The following PFKFB3 variants were observed in gnomAD, a reference collection of about 807,000 sequenced individuals.
The protein encoded by PFKFB3 is 6-phosphofructo-2-kinase/fructose-2,6-bisphosphatase 3.
Under a neutral mutation model 68.0 loss-of-function variants are expected in PFKFB3, and 33 were observed. That is an observed-to-expected ratio of 0.49 (90% CI 0.37 to 0.65). The LOEUF (loss-of-function observed/expected upper bound fraction) is 0.65. Among genes scored for constraint, PFKFB3 ranks in the 30% least tolerant of loss-of-function variants. PFKFB3 has a pLI of 0.00. For synonymous variants in PFKFB3, 315 were observed against 288.2 expected (o/e 1.09, Z -0.94); for missense variants, 586 against 712.2 (o/e 0.82, Z 2.02).
At chr10:6,186,666 T>C (rs1842875525) in intron 1 of PFKFB3, among the ~76,000 whole-genome samples, 1 of 152,164 alleles carries the variant, frequency 6.6e-6, no homozygotes, top group Non-Finnish European at 1.5e-5. Context: ...TCTTAAACAA[T>C]TTCTCATTTT....
At chr10:6,239,366 G>T (rs776005544), downstream of PFKFB3, among the ~76,000 whole-genome samples, 14 of 152,168 alleles carry the variant, frequency 9.2e-5, no homozygotes, top group Non-Finnish European at 1.9e-4. Flanking sequence ...TGTTAGACTC[G>T]CAGATGAGTC....
At chr10:6,253,910 A>G (rs1846438036) in intron 14 of PFKFB3, among the ~76,000 whole-genome samples, 1 of 151,980 alleles carries the variant, frequency 6.6e-6, no homozygotes, top group African/African-American at 2.4e-5. Context: ...CAGGCATGGT[A>G]GTGCACACCT....
the PFKFB3 span, among the ~76,000 whole-genome samples, chr10:6,298,954 A>G: frequency 6.6e-6 from 1 of 152,152 alleles, no homozygotes; most frequent in African/African-American, 2.4e-5. Context: ...CGTCTGGTTC[A>G]TCTCTGTTGG....
chr10:6,289,791 G>A, the PFKFB3 span, among the ~76,000 whole-genome samples: 1 of 151,562 alleles, frequency 6.6e-6, no homozygotes, highest in Non-Finnish European at 1.5e-5. Context: ...AAATTACCTT[G>A]GGCAGTATGG....
chr10:6,257,468 T>C (rs1356924285), downstream of PFKFB3, among the ~76,000 whole-genome samples: 1 of 152,142 alleles, frequency 6.6e-6, no homozygotes, highest in African/African-American at 2.4e-5. Context: ...ATCATGACGA[T>C]GGGAGGTCAG....
intron 14 of PFKFB3, among the ~76,000 whole-genome samples, chr10:6,253,391 A>C (rs1475178527): frequency 6.6e-6 from 1 of 152,160 alleles, no homozygotes; most frequent in African/African-American, 2.4e-5. Flanking sequence ...TCTCTCTATT[A>C]AAGTGCTCTC....
intron 1 of PFKFB3, among the ~76,000 whole-genome samples, chr10:6,147,259 C>T (rs1043378563): frequency 3.9e-5 from 6 of 152,140 alleles, no homozygotes; most frequent in East Asian, 1.9e-4. Context: ...GACCTTTGAG[C>T]GATCTGAATG....
intron 1 of PFKFB3, among the ~76,000 whole-genome samples, chr10:6,169,954 C>T (rs1317094159): frequency 3.3e-5 from 5 of 152,196 alleles, no homozygotes; most frequent in Admixed American, 2.0e-4. Context: ...ACTGGCCTTG[C>T]TCTCTGGAAA....
chr10:6,283,422 C>T, the PFKFB3 span, among the ~76,000 whole-genome samples: 1 of 149,452 alleles, frequency 6.7e-6, no homozygotes, highest in Admixed American at 6.7e-5. Context: ...GTGAGGAGGC[C>T]TGGCCATCTT....
intron 14 of PFKFB3, among the ~76,000 whole-genome samples, chr10:6,249,451 A>G (rs1008509027): frequency 1.3e-5 from 2 of 152,260 alleles, no homozygotes; most frequent in African/African-American, 4.8e-5. Flanking sequence ...ATAAGTGTTC[A>G]GCAACATATG....
chr10:6,210,466 T>G (rs1197726178), intron 1 of PFKFB3, among the ~76,000 whole-genome samples: 1 of 112,498 alleles, frequency 8.9e-6, no homozygotes, highest in Non-Finnish European at 2.1e-5. Flanking sequence ...GTTCACGCCA[T>G]TCTCCTGCCT....
At chr10:6,146,156 G>C (rs4747891) in intron 1 of PFKFB3, 114,429 of 900,428 alleles carry the variant, frequency 0.13, 7,516 homozygotes, top group Non-Finnish European at 0.13. Flanking sequence ...GGGGAGCCTG[G>C]CCTCCCCTGG....
At chr10:6,281,690 T>C in the PFKFB3 span, among the ~76,000 whole-genome samples, 1 of 152,144 alleles carries the variant, frequency 6.6e-6, no homozygotes, top group Non-Finnish European at 1.5e-5. Context: ...AAAAAAGTTA[T>C]ACTGGGGCAA....
rs745463544 is a variant in PFKFB3, at chr10:6,216,105, C to A, written c.300-20C>A. The A allele has an allele frequency of 6.2e-7, 1 of 1,611,362 alleles. No individual in the cohort carries two copies. On this transcript the variant is annotated intron_variant, in intron 3 of 14. Coordinates refer to ENST00000379775, the MANE Select transcript of PFKFB3 (RefSeq NM_004566.4). ...GGATGCACCGGCGCTGACATTCGGG[C>A]AATGTCTTGTGCATTCCAGGCAATG...
At chr10:6,151,977 A>AAAC (rs1841607046) in intron 1 of PFKFB3, among the ~76,000 whole-genome samples, 1 of 151,616 alleles carries the variant, frequency 6.6e-6, no homozygotes, top group Non-Finnish European at 1.5e-5. Flanking sequence ...GGGAGCTAAA[A>AAAC]AAAAAAAAAA....
At chr10:6,151,408 A>C (rs893446110) in intron 1 of PFKFB3, among the ~76,000 whole-genome samples, 1 of 151,976 alleles carries the variant, frequency 6.6e-6, no homozygotes, top group Non-Finnish European at 1.5e-5. Flanking sequence ...CACTTGTCAG[A>C]AAGTGAGGTC....
the PFKFB3 span, among the ~76,000 whole-genome samples, chr10:6,273,273 G>A: frequency 6.6e-6 from 1 of 152,052 alleles, no homozygotes; most frequent in South Asian, 2.1e-4. Flanking sequence ...GTGACTAGAA[G>A]CAGCTGCCCA....
chr10:6,270,128 C>T, the PFKFB3 span, among the ~76,000 whole-genome samples: 18 of 152,018 alleles, frequency 1.2e-4, no homozygotes, highest in East Asian at 5.8e-4. Context: ...GCAAAAACTC[C>T]GTCTCAAAAA....
intron 14 of PFKFB3, among the ~76,000 whole-genome samples, chr10:6,226,671 T>G (rs1472131417): frequency 6.6e-6 from 1 of 152,206 alleles, no homozygotes; most frequent in Non-Finnish European, 1.5e-5. Flanking sequence ...AAGCAGGCAG[T>G]GCAGAAGGAA....
Sources: gnomAD v4.1 joint callset for allele counts (sites outside exome capture counted in the v4.1 genomes callset) on GRCh38, gnomAD v4.1.1 for gene constraint, MANE v1.5 for transcripts, NCBI Gene and HGNC (gene_info 2026-07-23, HGNC 2026-07-21) for gene names.